Variants in DLG2 observed in about 807,000 individuals in gnomAD.
The protein encoded by DLG2 is disks large homolog 2.
In DLG2, 45 loss-of-function variants were observed where a neutral mutation model predicts 132.5. That is an observed-to-expected ratio of 0.34 (90% CI 0.27 to 0.44). DLG2 has a LOEUF of 0.44. DLG2 is among the 20% of genes least tolerant of loss of function. The pLI is 1.00. For missense variants in DLG2, 1,045 were observed against 1,196.9 expected, an observed-to-expected ratio of 0.87 and a Z score of 1.87; for synonymous variants, 424 against 419.6, an observed-to-expected ratio of 1.01 and a Z score of -0.13.
At chr11:84,148,721 T>C (rs1192616741) in intron 9 of DLG2, among the ~76,000 whole-genome samples, 1 of 152,170 alleles carries the variant, frequency 6.6e-6, no homozygotes, top group African/African-American at 2.4e-5. Flanking sequence ...TATTATTCTT[T>C]GGGTAGATAC....
chr11:85,499,834 A>G (rs1390611219), intron 3 of DLG2, among the ~76,000 whole-genome samples: 2 of 152,196 alleles, frequency 1.3e-5, no homozygotes, highest in Admixed American at 6.5e-5. Context: ...AAACAGAACC[A>G]AGAACAAAAA....
intron 6 of DLG2, among the ~76,000 whole-genome samples, chr11:85,088,368 C>T (rs761360915): frequency 2.2e-4 from 34 of 152,186 alleles, no homozygotes; most frequent in Non-Finnish European, 2.9e-4. Flanking sequence ...AGAGCCTCTA[C>T]TGAGCATCTT....
chr11:84,331,540 T>C (rs1268807598), intron 7 of DLG2, among the ~76,000 whole-genome samples: 1 of 142,430 alleles, frequency 7.0e-6, no homozygotes, highest in African/African-American at 2.6e-5. Flanking sequence ...TATTAATCTC[T>C]GAGTCAAACT....
chr11:84,775,283 G>A (rs1423584096), intron 6 of DLG2, among the ~76,000 whole-genome samples: 2 of 152,030 alleles, frequency 1.3e-5, no homozygotes. Flanking sequence ...AACAGATGTT[G>A]ATGAGCTTGT....
intron 7 of DLG2, among the ~76,000 whole-genome samples, chr11:84,456,933 A>T (rs187196355): frequency 7.9e-5 from 12 of 151,178 alleles, no homozygotes; most frequent in African/African-American, 2.4e-4. Context: ...GTTAGTATTT[A>T]AAAAAAAGGT....
chr11:83,608,120 G>T (rs1381932686), intron 19 of DLG2, among the ~76,000 whole-genome samples: 1 of 152,108 alleles, frequency 6.6e-6, no homozygotes, highest in African/African-American at 2.4e-5. Flanking sequence ...GATGCTCCTT[G>T]ATTTTGGATG....
chr11:83,503,408 T>TATAG (rs1555118499), intron 21 of DLG2, among the ~76,000 whole-genome samples: 1 of 71,186 alleles, frequency 1.4e-5, no homozygotes, highest in Non-Finnish European at 2.9e-5. Flanking sequence ...TATATATATA[T>TATAG]ATATATATAT....
At chr11:84,873,066 C>T (rs2154044521) in intron 6 of DLG2, among the ~76,000 whole-genome samples, 1 of 152,264 alleles carries the variant, frequency 6.6e-6, no homozygotes, top group Admixed American at 6.5e-5. Context: ...ATTGCCAGAA[C>T]CTTTGACTAT....
intron 18 of DLG2, among the ~76,000 whole-genome samples, chr11:83,659,252 A>C (rs965509430): frequency 6.6e-6 from 1 of 152,244 alleles, no homozygotes; most frequent in African/African-American, 2.4e-5. Flanking sequence ...CCCATTTTAC[A>C]GATGAAGAAA....
intron 6 of DLG2, among the ~76,000 whole-genome samples, chr11:84,813,377 C>G (rs1035694887): frequency 6.6e-6 from 1 of 151,946 alleles, no homozygotes; most frequent in South Asian, 2.1e-4. Context: ...CTGAACTTCC[C>G]GGAGGAGATA....
chr11:83,845,382 C>T (rs1797617802), intron 16 of DLG2, among the ~76,000 whole-genome samples: 1 of 152,154 alleles, frequency 6.6e-6, no homozygotes, highest in African/African-American at 2.4e-5. Context: ...TTACAACCTT[C>T]TTATATCTAA....
chr11:85,367,370 G>A (rs566936610), intron 3 of DLG2, among the ~76,000 whole-genome samples: 1 of 152,070 alleles, frequency 6.6e-6, no homozygotes, highest in Admixed American at 6.6e-5. Flanking sequence ...TTTCCTGTCA[G>A]TAAAATGGGA....
At chr11:84,567,492 T>G (rs2099461618) in intron 6 of DLG2, among the ~76,000 whole-genome samples, 1 of 152,204 alleles carries the variant, frequency 6.6e-6, no homozygotes, top group African/African-American at 2.4e-5. Flanking sequence ...CAGGCTGAGT[T>G]CAAGTATAAC....
At chr11:85,516,853 G>T (rs1002469209) in intron 3 of DLG2, among the ~76,000 whole-genome samples, 3 of 151,840 alleles carry the variant, frequency 2.0e-5, no homozygotes, top group African/African-American at 7.3e-5. Context: ...TACAAAAAAA[G>T]AAACAGTATC....
chr11:84,511,100 T>C (rs1156726999), intron 7 of DLG2, among the ~76,000 whole-genome samples: 1 of 152,018 alleles, frequency 6.6e-6, no homozygotes, highest in Admixed American at 6.6e-5. Flanking sequence ...GAAAAATAGA[T>C]AATAATAATA....
At chr11:84,305,599 ATCTG>A (rs1452227820) in intron 7 of DLG2, among the ~76,000 whole-genome samples, 5 of 152,092 alleles carry the variant, frequency 3.3e-5, no homozygotes, top group East Asian at 1.9e-4. Context: ...CTAGCTAGTT[ATCTG>A]TCTATCTATC....
At chr11:85,177,610 C>G (rs185674591) in intron 4 of DLG2, among the ~76,000 whole-genome samples, 37 of 152,124 alleles carry the variant, frequency 2.4e-4, no homozygotes, top group African/African-American at 8.7e-4. Flanking sequence ...GTGCAGCAAA[C>G]CACCATGGCA....
At chr11:85,149,489 A>G (rs1242159750) in intron 5 of DLG2, among the ~76,000 whole-genome samples, 3 of 152,154 alleles carry the variant, frequency 2.0e-5, no homozygotes, top group African/African-American at 4.8e-5. Context: ...GCCACTTCCC[A>G]TCCCATCTTT....
At chr11:85,582,655 C>A (rs71456427) in intron 3 of DLG2, among the ~76,000 whole-genome samples, 1 of 26,942 alleles carries the variant, frequency 3.7e-5, no homozygotes, top group Non-Finnish European at 7.3e-5. Flanking sequence ...GAAACCCCAT[C>A]TCTACAAAAA....
Sources: allele counts gnomAD v4.1 joint callset (sites outside exome capture counted in the v4.1 genomes callset), GRCh38; gene constraint gnomAD v4.1.1; transcripts MANE v1.5; gene names NCBI Gene and HGNC (gene_info 2026-07-23, HGNC 2026-07-21).